The following CDH12 variants were observed in gnomAD, a reference collection of about 807,000 sequenced individuals.
The protein encoded by CDH12 is cadherin-12.
CDH12 carries 41 observed loss-of-function variants against 74.1 expected under a neutral mutation model. That is an observed-to-expected ratio of 0.55 (90% confidence interval 0.43 to 0.72). CDH12 has a LOEUF of 0.72. Ranked by LOEUF, CDH12 falls within the 30% of genes least tolerant of loss-of-function variation. The pLI is 0.00. For synonymous variants in CDH12, 399 were observed against 355.0 expected (o/e 1.12, Z -1.39); for missense variants, 945 against 977.2 (o/e 0.97, Z 0.44).
chr5:22,319,448 C>T (rs1054546993), intron 3 of CDH12, among the ~76,000 whole-genome samples: 7 of 152,148 alleles, frequency 4.6e-5, no homozygotes, highest in South Asian at 2.1e-4. Context: ...CAGCACAGTA[C>T]GGAAATTTAG....
chr5:22,326,741 C>G (rs1226312130), intron 3 of CDH12, among the ~76,000 whole-genome samples: 1 of 152,116 alleles, frequency 6.6e-6, no homozygotes, highest in East Asian at 1.9e-4. Flanking sequence ...TGTGTCTATA[C>G]TTGACAGTGA....
At chr5:22,626,077 C>T (rs1027697711) in intron 1 of CDH12, among the ~76,000 whole-genome samples, 3 of 152,046 alleles carry the variant, frequency 2.0e-5, no homozygotes, top group Non-Finnish European at 4.4e-5. Context: ...GCACAGGCAG[C>T]CAGCCATGGT....
chr5:22,706,759 T>G (rs925307760), intron 1 of CDH12, among the ~76,000 whole-genome samples: 1 of 152,310 alleles, frequency 6.6e-6, no homozygotes, highest in Middle Eastern at 3.5e-3. Context: ...TTTGAATTAC[T>G]GAGAAAAAGT....
intron 1 of CDH12, among the ~76,000 whole-genome samples, chr5:22,842,722 T>C (rs535459314): frequency 1.3e-5 from 2 of 152,218 alleles, no homozygotes; most frequent in Admixed American, 1.3e-4. Context: ...CAGTTAATAA[T>C]GAAAGTATTT....
In CDH12 at chr5:21,880,014, T is replaced by C. The variant is rs146925694; in HGVS notation, c.527-25224A>G. Reference sequence around the variant, plus strand: ...AAGCTGTGAGCAGACAGTTCTGATGTCCTTGCTTATACTAATTTAGCAGCT... The same window carrying C: ...AAGCTGTGAGCAGACAGTTCTGATGCCCTTGCTTATACTAATTTAGCAGCT... On this transcript the variant is annotated intron_variant, in intron 6 of 14. Transcript: ENST00000382254. 3.5e-4 allele frequency among the ~76,000 whole-genome samples: 54 copies of C among 152,330 alleles called. 1 individual carries two copies. The East Asian group carries it at 9.6e-3, about 27-fold the overall frequency.
rs551312354 is a variant in CDH12 at position 22,428,195 on chromosome 5, GTATATA to G, written c.-427-22850_-427-22845del. Among the ~76,000 whole-genome samples, 603 of 65,334 alleles carry G rather than the reference GTATATA, an allele frequency of 9.2e-3. 7 individuals carry two copies. Among genetic ancestry groups the G allele is most frequent in the African/African-American group, 0.034 (572 of 17,068 alleles). 42.9% of individuals were successfully genotyped at this position (65,334 alleles called of 152,430 possible). A position where few individuals can be genotyped will look rare whatever the true frequency, so the allele number is the denominator to read the frequency against. On this transcript the variant is annotated intron_variant, in intron 2 of 14. Coordinates refer to ENST00000382254, the MANE Select transcript of CDH12 (RefSeq NM_004061.5). ...CAGATAGATAGAAATACACACATAT[GTATATA>G]TATATACACACACACACACACACAC...
chr5:22,700,623 T>C (rs954875812), intron 1 of CDH12, among the ~76,000 whole-genome samples: 1 of 152,218 alleles, frequency 6.6e-6, no homozygotes, highest in South Asian at 2.1e-4. Context: ...TATTGTTGAA[T>C]CTGTATATCC....
chr5:21,752,880 C>CTTACAA (rs1281402269), intron 14 of CDH12, among the ~76,000 whole-genome samples: 1 of 152,064 alleles, frequency 6.6e-6, no homozygotes, highest in Non-Finnish European at 1.5e-5. Flanking sequence ...CAAACTAAAG[C>CTTACAA]ATTAATTTCA....
chr5:22,707,159 A>G (rs1743052392), intron 1 of CDH12, among the ~76,000 whole-genome samples: 1 of 152,204 alleles, frequency 6.6e-6, no homozygotes, highest in Admixed American at 6.5e-5. Context: ...AAGAAGACAC[A>G]ACATTAAGCC....
chr5:21,794,522 T>G (rs1008058484), intron 10 of CDH12, among the ~76,000 whole-genome samples: 5 of 151,732 alleles, frequency 3.3e-5, no homozygotes, highest in African/African-American at 1.2e-4. Flanking sequence ...AAATTCTACA[T>G]CTCCTTTTAT....
At chr5:22,334,313 T>C (rs560990279) in intron 3 of CDH12, among the ~76,000 whole-genome samples, 20 of 151,662 alleles carry the variant, frequency 1.3e-4, no homozygotes, top group African/African-American at 3.4e-4. Context: ...AAGTGGAATA[T>C]CTCTAGAGTG....
chr5:22,723,817 A>G (rs1394096052), intron 1 of CDH12, among the ~76,000 whole-genome samples: 5 of 151,938 alleles, frequency 3.3e-5, no homozygotes, highest in African/African-American at 9.7e-5. Flanking sequence ...CTAATTTCCA[A>G]TGGTTTCTTG....
In CDH12 at chr5:21,880,515, C is replaced by T. The variant is rs1458925261; in HGVS notation, c.527-25725G>A. 1.0e-4 allele frequency among the ~76,000 whole-genome samples: 9 copies of T among 86,976 alleles called. 1 individual carries two copies. Among genetic ancestry groups the T allele is most frequent in the Non-Finnish European group, 1.8e-4 (8 of 44,024 alleles). 57.1% of individuals were successfully genotyped at this position (86,976 alleles called of 152,430 possible). A position where few individuals can be genotyped will look rare whatever the true frequency, so the allele number is the denominator to read the frequency against. Reference sequence around the variant, plus strand: ...CCTTCCTTCCTTCCTCCCTCCCTCCCTCTTTTCTTTCTTCCTTCTTTTCCT... The same window carrying T: ...CCTTCCTTCCTTCCTCCCTCCCTCCTTCTTTTCTTTCTTCCTTCTTTTCCT... On this transcript the variant is annotated intron_variant, in intron 6 of 14. Coordinates refer to ENST00000382254, the MANE Select transcript of CDH12 (RefSeq NM_004061.5).
intron 6 of CDH12, among the ~76,000 whole-genome samples, chr5:21,872,890 C>CTATCTATCTATCTATCT: frequency 1.3e-4 from 1 of 7,538 alleles, no homozygotes. Context: ...ACCTACCTAT[C>CTATCTATCTATCTATCT]ATCCATCTAT....
At chr5:22,344,164 A>T (rs1410520092) in intron 3 of CDH12, among the ~76,000 whole-genome samples, 1 of 152,174 alleles carries the variant, frequency 6.6e-6, no homozygotes, top group African/African-American at 2.4e-5. Flanking sequence ...CATAGGCGAA[A>T]ATTGGGCCTT....
intron 6 of CDH12, among the ~76,000 whole-genome samples, chr5:21,866,226 A>C (rs1296253378): frequency 1.3e-5 from 2 of 152,160 alleles, no homozygotes; most frequent in African/African-American, 2.4e-5. Context: ...CTAATACAGC[A>C]AATTGGTACC....
chr5:22,783,468 A>G (rs1441722577), intron 1 of CDH12, among the ~76,000 whole-genome samples: 2 of 152,152 alleles, frequency 1.3e-5, no homozygotes, highest in African/African-American at 4.8e-5. Flanking sequence ...AACTTACTGA[A>G]AATTAGTTTT....
chr5:22,607,622 T>C (rs955059579), intron 1 of CDH12, among the ~76,000 whole-genome samples: 13 of 152,318 alleles, frequency 8.5e-5, no homozygotes, highest in African/African-American at 2.6e-4. Context: ...TTCTGGAAGA[T>C]ACAATTCAAG....
chr5:21,823,793 C>T (rs572267429), intron 8 of CDH12, among the ~76,000 whole-genome samples: 1 of 152,200 alleles, frequency 6.6e-6, no homozygotes, highest in African/African-American at 2.4e-5. Context: ...CAGGAGATTG[C>T]TCAGCTTCCC....
Sources: gnomAD v4.1 joint callset for allele counts (sites outside exome capture counted in the v4.1 genomes callset) on GRCh38, gnomAD v4.1.1 for gene constraint, MANE v1.5 for transcripts, NCBI Gene and HGNC (gene_info 2026-07-23, HGNC 2026-07-21) for gene names.